Variants in FHIT observed in about 807,000 individuals in gnomAD.
The protein encoded by FHIT is bis(5'-adenosyl)-triphosphatase.
In FHIT, 19 loss-of-function variants were observed where a neutral mutation model predicts 17.9. The observed-to-expected ratio is 1.06, with a 90% CI of 0.74 to 1.56. FHIT has a LOEUF of 1.56. FHIT is among the 40% of genes most tolerant of loss of function. The pLI, the probability that FHIT is intolerant of heterozygous loss-of-function variation, is 0.00. For synonymous variants in FHIT, 81 were observed against 69.7 expected (o/e 1.16, Z -0.81); for missense variants, 248 against 189.2 (o/e 1.31, Z -1.82).
rs545984483 is a variant in FHIT at position 60,540,847 on chromosome 3, G to A, written c.-17-3868C>T. On this transcript the variant is annotated intron_variant, in intron 4 of 9. Transcript: ENST00000492590. ...AGGAAGGTTTGCCCCAGTGGTACAA[G>A]ATAATGGTTTTTAGAACATTTACAA... Among the ~76,000 whole-genome samples, 77 of 152,294 alleles carry A rather than the reference G, an allele frequency of 5.1e-4. 2 individuals are homozygous for A. The South Asian group carries it at 0.016, about 31-fold the overall frequency.
At chr3:60,436,545 T>A (rs1036806293) in intron 5 of FHIT, among the ~76,000 whole-genome samples, 1 of 145,946 alleles carries the variant, frequency 6.9e-6, no homozygotes, top group Admixed American at 6.9e-5. Flanking sequence ...ATTAGCCTTT[T>A]AGTTTCTTCA....
chr3:59,774,055 T>TG (rs946208116), intron 8 of FHIT, among the ~76,000 whole-genome samples: 2 of 152,236 alleles, frequency 1.3e-5, no homozygotes, highest in Non-Finnish European at 2.9e-5. Flanking sequence ...ATAAAACTGA[T>TG]AGTCACATGT....
chr3:59,866,114 C>T (rs976018302), intron 8 of FHIT, among the ~76,000 whole-genome samples: 15 of 152,198 alleles, frequency 9.9e-5, no homozygotes, highest in Admixed American at 9.2e-4. Flanking sequence ...CAGAGACCAG[C>T]AAGCATGATG....
rs9861642 is a variant in FHIT, at chr3:60,332,194, C to G, written c.103+204666G>C. 1.7e-3 allele frequency among the ~76,000 whole-genome samples: 255 copies of G among 152,284 alleles called. 2 individuals are homozygous for G. The highest frequency in any genetic ancestry group is 6.0e-3 in the African/African-American group (250 of 41,552). On this transcript the variant is annotated intron_variant, in intron 5 of 9. Coordinates refer to ENST00000492590, the MANE Select transcript of FHIT (RefSeq NM_002012.4). Reference sequence around the variant, plus strand: ...CTACTATTAACCTCATTTGAGATATCAGAAAATGGTATGAGAGAGGTTAAG... The same window carrying G: ...CTACTATTAACCTCATTTGAGATATGAGAAAATGGTATGAGAGAGGTTAAG...
intron 5 of FHIT, among the ~76,000 whole-genome samples, chr3:60,252,691 GATA>G (rs1187240973): frequency 6.6e-6 from 1 of 151,976 alleles, no homozygotes; most frequent in Non-Finnish European, 1.5e-5. Context: ...TTAATAAACA[GATA>G]ATAAAAAAAG....
At chr3:60,860,460 A>ATCATATATACATGATATATATGTAT (rs572908449) in intron 3 of FHIT, among the ~76,000 whole-genome samples, 1 of 106,964 alleles carries the variant, frequency 9.3e-6, no homozygotes, top group Non-Finnish European at 1.9e-5. Context: ...ATACATATGT[A>ATCATATATACATGATATATATGTAT]CATATATATG....
At chr3:60,636,538 A>G (rs1446295758) in intron 4 of FHIT, among the ~76,000 whole-genome samples, 1 of 152,192 alleles carries the variant, frequency 6.6e-6, no homozygotes, top group Non-Finnish European at 1.5e-5. Flanking sequence ...ATAAATTCCT[A>G]TGTAGTAAGA....
At chr3:60,987,034 A>G (rs1360021331) in intron 3 of FHIT, among the ~76,000 whole-genome samples, 1 of 152,192 alleles carries the variant, frequency 6.6e-6, no homozygotes, top group Non-Finnish European at 1.5e-5. Context: ...ACCTCATATT[A>G]CATTTGCAGT....
intron 2 of FHIT, among the ~76,000 whole-genome samples, chr3:61,110,649 C>T (rs1467422854): frequency 6.6e-6 from 1 of 152,156 alleles, no homozygotes; most frequent in East Asian, 1.9e-4. Flanking sequence ...TGGCCCAGAG[C>T]AGGCTGACCA....
chr3:60,074,790 C>T (rs894807858), intron 5 of FHIT, among the ~76,000 whole-genome samples: 2 of 152,050 alleles, frequency 1.3e-5, no homozygotes, highest in Non-Finnish European at 2.9e-5. Flanking sequence ...TTCAATTACC[C>T]TTTTTCTGCC....
chr3:60,294,278 G>T (rs1255204267), intron 5 of FHIT, among the ~76,000 whole-genome samples: 1 of 152,100 alleles, frequency 6.6e-6, no homozygotes, highest in Admixed American at 6.6e-5. Context: ...GCATGTCCAA[G>T]CGTACTTCTG....
chr3:59,913,208 T>C (rs1232329569), intron 8 of FHIT, among the ~76,000 whole-genome samples: 4 of 152,148 alleles, frequency 2.6e-5, no homozygotes, highest in African/African-American at 9.7e-5. Flanking sequence ...GTGTGTCGTG[T>C]GTGGGTGTGT....
chr3:60,612,423 A>G (rs1207841817), intron 4 of FHIT, among the ~76,000 whole-genome samples: 1 of 152,334 alleles, frequency 6.6e-6, no homozygotes, highest in East Asian at 1.9e-4. Context: ...CACAAAAGAT[A>G]CTTGACCTTG....
intron 5 of FHIT, among the ~76,000 whole-genome samples, chr3:60,300,794 CCT>C (rs575644033): frequency 1.1e-3 from 160 of 152,158 alleles, no homozygotes; most frequent in African/African-American, 3.6e-3. Flanking sequence ...ATTTTGGATA[CCT>C]CTGACTCCCC....
intron 5 of FHIT, among the ~76,000 whole-genome samples, chr3:60,089,795 C>T (rs573805610): frequency 5.3e-5 from 8 of 152,192 alleles, no homozygotes; most frequent in Admixed American, 1.3e-4. Flanking sequence ...GCAGCTCCTT[C>T]GGAGGAAACA....
At position 59,913,066 on chromosome 3, in the gene FHIT, G is replaced by C. The variant is rs548821294; in HGVS notation, c.348+9280C>G. The stretch of plus-strand genomic sequence containing the variant: ...AGTTATAATAAAGTACCTAGATGGG[G>C]ACTACTGGGCCATATCCTAAAAGCA... On this transcript the variant is annotated intron_variant, in intron 8 of 9. Coordinates refer to ENST00000492590, the MANE Select transcript of FHIT (RefSeq NM_002012.4). Among the ~76,000 whole-genome samples the C allele has an allele frequency of 6.2e-4, 94 of 152,246 alleles. 1 individual carries two copies. Among genetic ancestry groups the C allele is most frequent in the African/African-American group, 2.0e-3 (85 of 41,548 alleles).
At chr3:61,209,009 C>T (rs11921624) in intron 1 of FHIT, among the ~76,000 whole-genome samples, 2,874 of 151,996 alleles carry the variant, frequency 0.019, 88 homozygotes, top group African/African-American at 0.065. Context: ...TAGGGCTGGC[C>T]TGGTGGTGAG....
chr3:60,374,899 C>T (rs1434805142), intron 5 of FHIT, among the ~76,000 whole-genome samples: 2 of 151,790 alleles, frequency 1.3e-5, no homozygotes, highest in African/African-American at 4.8e-5. Context: ...AGTCAGTTAA[C>T]AGGATATTAC....
chr3:60,268,100 C>T (rs1187424598), intron 5 of FHIT, among the ~76,000 whole-genome samples: 5 of 152,134 alleles, frequency 3.3e-5, no homozygotes, highest in African/African-American at 1.2e-4. Flanking sequence ...TCAAACTTGC[C>T]CTTGAAGTCT....
Sources: allele counts gnomAD v4.1 joint callset (sites outside exome capture counted in the v4.1 genomes callset), GRCh38; gene constraint gnomAD v4.1.1; transcripts MANE v1.5; gene names NCBI Gene and HGNC (gene_info 2026-07-23, HGNC 2026-07-21).